CLSTN2: variants seen among roughly 807,000 people sequenced by gnomAD.
The protein encoded by CLSTN2 is calsyntenin-2.
CLSTN2 carries 48 observed loss-of-function variants against 101.2 expected under a neutral mutation model. That is an observed-to-expected ratio of 0.47 (90% CI 0.38 to 0.60). The LOEUF (loss-of-function observed/expected upper bound fraction) is 0.60, where lower values mean the gene tolerates loss of function less well. Among genes scored for constraint, CLSTN2 ranks in the 20% least tolerant of loss-of-function variants. The pLI is 0.00. For synonymous variants in CLSTN2, 481 were observed against 463.6 expected (o/e 1.04, Z -0.48); for missense variants, 1,160 against 1,238.2 (o/e 0.94, Z 0.95).
intron 12 of CLSTN2, 57 bp from the exon 13 acceptor site, chr3:140,562,081 G>T: frequency 1.3e-6 from 2 of 1,515,968 alleles, no homozygotes; most frequent in Non-Finnish European, 1.8e-6. Context: ...TGATTAGCAA[G>T]GGCTGTTTTC....
chr3:140,117,232 C>G (rs1019355844), intron 1 of CLSTN2, among the ~76,000 whole-genome samples: 2 of 152,208 alleles, frequency 1.3e-5, no homozygotes, highest in African/African-American at 4.8e-5. Context: ...GGTTGCCTCT[C>G]TGCAGCCTCT....
At chr3:140,347,147 T>C (rs1328265960) in intron 2 of CLSTN2, among the ~76,000 whole-genome samples, 1 of 152,238 alleles carries the variant, frequency 6.6e-6, no homozygotes, top group Non-Finnish European at 1.5e-5. Context: ...TTTTTCTTGA[T>C]GGTTTTCTCA....
At chr3:140,388,811 GAA>G (rs1409366414) in intron 2 of CLSTN2, among the ~76,000 whole-genome samples, 3 of 152,180 alleles carry the variant, frequency 2.0e-5, no homozygotes, top group Non-Finnish European at 4.4e-5. Flanking sequence ...CTGATCTTAG[GAA>G]GGAAGTATCT....
rs546462515 is a variant in CLSTN2 at position 139,989,479 on chromosome 3, C to T, written c.109+53996C>T. On this transcript the variant is annotated intron_variant, in intron 1 of 16. Coordinates refer to ENST00000458420, the MANE Select transcript of CLSTN2 (RefSeq NM_022131.3). Reference sequence around the variant, plus strand: ...GCTTGTGCCTCTTACTTCCACGTGGCCTGTTACCAGTCTCCGCCACTCTCC... The same window carrying T: ...GCTTGTGCCTCTTACTTCCACGTGGTCTGTTACCAGTCTCCGCCACTCTCC... 5.9e-5 allele frequency among the ~76,000 whole-genome samples: 9 copies of T among 152,240 alleles called. No individual in the cohort carries two copies. The East Asian group carries it at 1.2e-3, about 20-fold the overall frequency.
intron 1 of CLSTN2, among the ~76,000 whole-genome samples, chr3:140,111,727 T>G (rs2009159496): frequency 6.6e-6 from 1 of 152,150 alleles, no homozygotes; most frequent in Non-Finnish European, 1.5e-5. Flanking sequence ...GCAGTCAAGG[T>G]ATAGTTGAAA....
chr3:140,230,358 C>T (rs1186353050), intron 2 of CLSTN2, among the ~76,000 whole-genome samples: 1 of 152,174 alleles, frequency 6.6e-6, no homozygotes, highest in African/African-American at 2.4e-5. Flanking sequence ...ATAATTTACT[C>T]AATGACTAAA....
chr3:140,404,953 G>C (rs1324763461), intron 4 of CLSTN2, among the ~76,000 whole-genome samples, 187 bp downstream of exon 4: 1 of 152,114 alleles, frequency 6.6e-6, no homozygotes, highest in Non-Finnish European at 1.5e-5. Flanking sequence ...TAGCAGCCCT[G>C]CCAGGTCTAA....
At chr3:140,263,875 C>T (rs572213826) in intron 2 of CLSTN2, among the ~76,000 whole-genome samples, 1 of 152,134 alleles carries the variant, frequency 6.6e-6, no homozygotes, top group Non-Finnish European at 1.5e-5. Context: ...CTGAAGTCCT[C>T]CAGGCATTTG....
chr3:140,050,171 T>C (rs939954784), intron 1 of CLSTN2, among the ~76,000 whole-genome samples: 2 of 152,198 alleles, frequency 1.3e-5, no homozygotes, highest in African/African-American at 4.8e-5. Flanking sequence ...CAACCATACA[T>C]TAGATAATCT....
intron 5 of CLSTN2, among the ~76,000 whole-genome samples, chr3:140,446,122 A>G (rs979514960): frequency 6.6e-6 from 1 of 152,138 alleles, no homozygotes; most frequent in Non-Finnish European, 1.5e-5. Flanking sequence ...AGGGCTTCCT[A>G]TGGCACTATG....
At chr3:140,210,753 G>A (rs2010845055) in intron 2 of CLSTN2, among the ~76,000 whole-genome samples, 1 of 133,360 alleles carries the variant, frequency 7.5e-6, no homozygotes, top group Admixed American at 7.3e-5. Context: ...CCCTGTTCAT[G>A]CAGTGGGTTT....
intron 4 of CLSTN2, among the ~76,000 whole-genome samples, chr3:140,408,288 G>T (rs2088327327): frequency 1.3e-5 from 2 of 152,062 alleles, no homozygotes; most frequent in Admixed American, 6.6e-5. Flanking sequence ...TCCCCCAAAT[G>T]ACCTCTTTCA....
In CLSTN2 at chr3:140,570,038, C is replaced by A. The variant is rs1985477213; in HGVS notation, c.*3785C>A. 6.6e-6 allele frequency: 1 copy of A among 152,174 alleles called. No individual in the cohort carries two copies. Among genetic ancestry groups the A allele is most frequent in the South Asian group, 2.1e-4 (1 of 4,822 alleles). 9.4% of individuals were successfully genotyped at this position (152,174 alleles called of 1,614,324 possible). A position where few individuals can be genotyped will look rare whatever the true frequency, so the allele number is the denominator to read the frequency against. Reference sequence around the variant, plus strand: ...TATCAAGCAGGGTTTAGACCAACATCTTTGCATTTAATAAGGGCTCTACTT... The same window carrying A: ...TATCAAGCAGGGTTTAGACCAACATATTTGCATTTAATAAGGGCTCTACTT... On this transcript the variant is annotated 3_prime_UTR_variant, in exon 17 of 17. Coordinates refer to ENST00000458420, the MANE Select transcript of CLSTN2 (RefSeq NM_022131.3).
chr3:140,058,848 A>G (rs934654842), intron 1 of CLSTN2, among the ~76,000 whole-genome samples: 1 of 150,646 alleles, frequency 6.6e-6, no homozygotes, highest in Non-Finnish European at 1.5e-5. Flanking sequence ...TGGGAATTGG[A>G]TGGTGTCCTG....
chr3:140,560,947 G>T (rs1224716979), intron 12 of CLSTN2, among the ~76,000 whole-genome samples: 2 of 151,904 alleles, frequency 1.3e-5, no homozygotes, highest in Non-Finnish European at 2.9e-5. Context: ...AAACCATTGT[G>T]ATTGACAAGC....
chr3:139,942,715 G>A (rs1935153143), intron 1 of CLSTN2, among the ~76,000 whole-genome samples: 1 of 152,064 alleles, frequency 6.6e-6, no homozygotes, highest in Admixed American at 6.6e-5. Context: ...ACATTACAGG[G>A]CATATAGCAG....
At chr3:140,119,683 AT>A (rs1000156012) in intron 1 of CLSTN2, among the ~76,000 whole-genome samples, 1 of 151,896 alleles carries the variant, frequency 6.6e-6, no homozygotes, top group African/African-American at 2.4e-5. Context: ...TAATTTTTGT[AT>A]TTTTTGTGGA....
At chr3:140,556,803 G>A (rs891566719) in intron 11 of CLSTN2, 142 bp downstream of exon 11, 3 of 733,288 alleles carry the variant, frequency 4.1e-6, no homozygotes, top group Non-Finnish European at 6.6e-6. Context: ...CTCTGAGGAT[G>A]CCTCAAAGGA....
At chr3:140,515,907 G>GAGGACATGTCTACTGCTGTC (rs1400111111) in intron 8 of CLSTN2, among the ~76,000 whole-genome samples, 1 of 152,076 alleles carries the variant, frequency 6.6e-6, no homozygotes, top group Non-Finnish European at 1.5e-5. Context: ...TTTCTGCCTT[G>GAGGACATGTCTACTGCTGTC]AGGACATGTC....
Sources: gnomAD v4.1 joint callset for allele counts (sites outside exome capture counted in the v4.1 genomes callset) on GRCh38, gnomAD v4.1.1 for gene constraint, MANE v1.5 for transcripts, NCBI Gene and HGNC (gene_info 2026-07-23, HGNC 2026-07-21) for gene names.